Variants in XRCC4 observed in about 807,000 individuals in gnomAD.
The protein encoded by XRCC4 is X-ray repair cross complementing 4.
Under a neutral mutation model 39.1 loss-of-function variants are expected in XRCC4, and 28 were observed. That is an observed-to-expected ratio of 0.72 (90% CI 0.53 to 0.98). The LOEUF (loss-of-function observed/expected upper bound fraction) is 0.98, where lower values mean the gene tolerates loss of function less well. XRCC4 is among the 50% of genes least tolerant of loss of function. XRCC4 has a pLI of 0.00. For missense variants in XRCC4, 350 were observed against 376.4 expected, an observed-to-expected ratio of 0.93 and a Z score of 0.58; for synonymous variants, 123 against 126.4, an observed-to-expected ratio of 0.97 and a Z score of 0.18.
At chr5:83,320,575 C>G (rs78752716) in intron 7 of XRCC4, among the ~76,000 whole-genome samples, 2 of 151,548 alleles carry the variant, frequency 1.3e-5, no homozygotes, top group Admixed American at 1.3e-4. Context: ...CATCCCCATG[C>G]TATAGAGAAA....
intron 7 of XRCC4, among the ~76,000 whole-genome samples, chr5:83,351,298 C>A (rs1757075737): frequency 6.6e-6 from 1 of 152,180 alleles, no homozygotes; most frequent in South Asian, 2.1e-4. Flanking sequence ...TTCTTTATAG[C>A]AATACAAGAA....
intron 7 of XRCC4, among the ~76,000 whole-genome samples, chr5:83,289,139 C>G (rs2112972352): frequency 6.6e-6 from 1 of 151,834 alleles, no homozygotes; most frequent in African/African-American, 2.4e-5. Flanking sequence ...TGGAGTTTCC[C>G]TGTGTCTACT....
At chr5:83,279,392 T>C (rs1000846735) in intron 7 of XRCC4, among the ~76,000 whole-genome samples, 1 of 152,126 alleles carries the variant, frequency 6.6e-6, no homozygotes, top group Non-Finnish European at 1.5e-5. Flanking sequence ...AACCGCACTA[T>C]GGCACTGAAT....
intron 3 of XRCC4, among the ~76,000 whole-genome samples, chr5:83,192,516 G>T (rs550456635): frequency 2.0e-4 from 31 of 151,828 alleles, no homozygotes; most frequent in African/African-American, 7.5e-4. Context: ...TCACCATGTT[G>T]CCCAGGCTGG....
chr5:83,129,987 A>G (rs983183302), intron 3 of XRCC4, among the ~76,000 whole-genome samples: 4 of 152,160 alleles, frequency 2.6e-5, no homozygotes, highest in Non-Finnish European at 5.9e-5. Flanking sequence ...TGCCCTGGCC[A>G]GAACATCCAA....
chr5:83,247,585 TG>T (rs2112864689), intron 6 of XRCC4, among the ~76,000 whole-genome samples: 1 of 152,328 alleles, frequency 6.6e-6, no homozygotes, highest in African/African-American at 2.4e-5. Flanking sequence ...GGAACTGATA[TG>T]TCATCCACAG....
At chr5:83,354,123 A>T (rs1260439871), downstream of XRCC4, among the ~76,000 whole-genome samples, 2 of 152,224 alleles carry the variant, frequency 1.3e-5, no homozygotes, top group Non-Finnish European at 2.9e-5. Flanking sequence ...TGCTAAATCC[A>T]GTGGTTGACC....
At chr5:83,234,074 C>G (rs1658522697) in intron 6 of XRCC4, among the ~76,000 whole-genome samples, 1 of 152,036 alleles carries the variant, frequency 6.6e-6, no homozygotes, top group Admixed American at 6.6e-5. Flanking sequence ...CTTTTTTAAT[C>G]TGTGAAATTT....
chr5:83,269,767 C>A (rs1754074192), intron 7 of XRCC4, among the ~76,000 whole-genome samples: 1 of 151,976 alleles, frequency 6.6e-6, no homozygotes, highest in Non-Finnish European at 1.5e-5. Flanking sequence ...GGAATCTTCC[C>A]CTTTTTGGAA....
intron 7 of XRCC4, among the ~76,000 whole-genome samples, chr5:83,303,317 T>TGAAA (rs1755360916): frequency 6.6e-6 from 1 of 151,930 alleles, no homozygotes; most frequent in Non-Finnish European, 1.5e-5. Context: ...TAAAATTAAG[T>TGAAA]GAAAGATATT....
chr5:83,208,220 T>A (rs1046922442), intron 6 of XRCC4, among the ~76,000 whole-genome samples: 1 of 152,054 alleles, frequency 6.6e-6, no homozygotes, highest in Admixed American at 6.6e-5. Flanking sequence ...TGAATCTGAG[T>A]ATGGTAAATT....
intron 7 of XRCC4, among the ~76,000 whole-genome samples, chr5:83,326,488 A>C (rs186928804): frequency 7.3e-4 from 111 of 152,234 alleles, no homozygotes; most frequent in Non-Finnish European, 1.3e-3. Flanking sequence ...TGATTAAAAG[A>C]AATTTTAAAA....
At chr5:83,261,157 G>T (rs6864383) in intron 7 of XRCC4, among the ~76,000 whole-genome samples, 3 of 150,912 alleles carry the variant, frequency 2.0e-5, no homozygotes, top group African/African-American at 7.3e-5. Flanking sequence ...TATTTTTAAT[G>T]AAAAAAAGAA....
chr5:83,327,510 C>CA (rs76318247), intron 7 of XRCC4, among the ~76,000 whole-genome samples: 151,986 of 152,040 alleles, frequency 1, 75,966 homozygotes, highest in Middle Eastern at 1. Context: ...TATTCTTATA[C>CA]AAAAAGGTAA....
intron 3 of XRCC4, among the ~76,000 whole-genome samples, chr5:83,186,740 T>C (rs1750455350): frequency 6.6e-6 from 1 of 152,168 alleles, no homozygotes; most frequent in Non-Finnish European, 1.5e-5. Context: ...ACTTAGTGCC[T>C]CAAAACAACA....
intron 7 of XRCC4, among the ~76,000 whole-genome samples, chr5:83,265,687 C>CT (rs1265016857): frequency 6.6e-6 from 1 of 151,868 alleles, no homozygotes; most frequent in African/African-American, 2.4e-5. Flanking sequence ...AGGACAAAAA[C>CT]TTTTTTTTAA....
chr5:83,183,453 T>TGTGTGTGG (rs1190593999), intron 3 of XRCC4, among the ~76,000 whole-genome samples: 64 of 138,430 alleles, frequency 4.6e-4, no homozygotes, highest in Non-Finnish European at 2.2e-4. Context: ...TGTGTGTGTG[T>TGTGTGTGG]GGCACATCAA....
At chr5:83,106,465 G>A (rs948528298) in intron 2 of XRCC4, among the ~76,000 whole-genome samples, 2 of 151,956 alleles carry the variant, frequency 1.3e-5, no homozygotes, top group African/African-American at 4.8e-5. Flanking sequence ...TGTTTCAGGA[G>A]CCTTAATTAT....
intron 7 of XRCC4, among the ~76,000 whole-genome samples, chr5:83,307,910 C>A (rs151094638): frequency 1.3e-5 from 2 of 152,094 alleles, no homozygotes; most frequent in Admixed American, 1.3e-4. Context: ...AATAGCTTAG[C>A]GTTAACACTA....
Sources: allele counts gnomAD v4.1 joint callset (sites outside exome capture counted in the v4.1 genomes callset), GRCh38; gene constraint gnomAD v4.1.1; transcripts MANE v1.5; gene names NCBI Gene and HGNC (gene_info 2026-07-23, HGNC 2026-07-21).